ARMH4: variants seen among roughly 807,000 people sequenced by gnomAD.
ARMH4 encodes armadillo like helical domain containing 4, also known as armadillo-like helical domain-containing protein 4.
A neutral mutation model predicts 61.9 loss-of-function variants in ARMH4; 49 were observed. The observed-to-expected ratio is 0.79, with a 90% CI of 0.63 to 1.00. The LOEUF (loss-of-function observed/expected upper bound fraction) is 1.00, where lower values mean the gene tolerates loss of function less well. Among genes scored for constraint, ARMH4 ranks in the 50% least tolerant of loss-of-function variants. The pLI is 0.00. For missense variants in ARMH4, 934 were observed against 930.0 expected (o/e 1.00, Z -0.06); for synonymous variants, 368 against 341.5 (o/e 1.08, Z -0.85).
chr14:58,132,953 A>C, intron 3 of ARMH4, 137 bp downstream of exon 3: 7 of 864,954 alleles, frequency 8.1e-6, no homozygotes, highest in Non-Finnish European at 1.1e-5. Context: ...CTTTCCAGGT[A>C]AAGGTGTGTG....
At chr14:58,130,112 G>T (rs566807377) in intron 4 of ARMH4, among the ~76,000 whole-genome samples, 1 of 152,264 alleles carries the variant, frequency 6.6e-6, no homozygotes, top group East Asian at 1.9e-4. Flanking sequence ...AAGCTGTCAT[G>T]TCTAACTCAG....
intron 5 of ARMH4, among the ~76,000 whole-genome samples, chr14:58,071,738 T>A (rs1884889215): frequency 6.6e-6 from 1 of 152,246 alleles, no homozygotes; most frequent in Admixed American, 6.5e-5. Context: ...GTTTTCAGTA[T>A]CTCAAGAGAG....
intron 4 of ARMH4, among the ~76,000 whole-genome samples, chr14:58,119,736 T>C (rs1336665350): frequency 6.6e-6 from 1 of 152,238 alleles, no homozygotes; most frequent in Non-Finnish European, 1.5e-5. Flanking sequence ...AGCCTGAGGC[T>C]GAGCACCTGA....
chr14:58,082,622 A>T (rs1422154913), intron 5 of ARMH4, among the ~76,000 whole-genome samples: 1 of 152,198 alleles, frequency 6.6e-6, no homozygotes, highest in Non-Finnish European at 1.5e-5. Context: ...GTACTTTCAG[A>T]GCATTTTTCT....
chr14:58,031,332 A>G (rs1472066655), intron 5 of ARMH4, among the ~76,000 whole-genome samples: 2 of 152,220 alleles, frequency 1.3e-5, no homozygotes, highest in Non-Finnish European at 2.9e-5. Flanking sequence ...ACCAAAATGG[A>G]TTTGTTTTTA....
At chr14:58,097,609 G>T (rs774045965) in intron 4 of ARMH4, among the ~76,000 whole-genome samples, 114 of 152,154 alleles carry the variant, frequency 7.5e-4, no homozygotes, top group Non-Finnish European at 1.1e-3. Flanking sequence ...GGAGTGGTCA[G>T]AAAGGCAGCA....
chr14:58,018,912 T>C (rs1326043817), intron 5 of ARMH4, among the ~76,000 whole-genome samples: 1 of 152,088 alleles, frequency 6.6e-6, no homozygotes, highest in Non-Finnish European at 1.5e-5. Flanking sequence ...TTACTGTATA[T>C]AAACACAGTG....
intron 5 of ARMH4, among the ~76,000 whole-genome samples, chr14:58,096,072 T>A (rs1885737256): frequency 6.6e-6 from 1 of 152,036 alleles, no homozygotes; most frequent in Non-Finnish European, 1.5e-5. Context: ...GCGGCCTGCA[T>A]CCTCCAAGTC....
Position 58,040,104 on chromosome 14 carries a change from A to T in ARMH4, c.2090-27954T>A, listed in dbSNP as rs534564667. On this transcript the variant is annotated intron_variant, in intron 5 of 7. Transcript: ENST00000267485. ...AAAACACAAGTATGAAGTTTCTAAG[A>T]CCCACCAGAGCCAGTGGAGCTGATG... 5.9e-5 allele frequency among the ~76,000 whole-genome samples: 9 copies of T among 152,298 alleles called. No homozygotes were observed. In the South Asian group the frequency reaches 1.9e-3, roughly 32 times the overall value.
At chr14:58,009,014 G>T (rs1882287325) in intron 6 of ARMH4, among the ~76,000 whole-genome samples, 1 of 152,166 alleles carries the variant, frequency 6.6e-6, no homozygotes, top group Non-Finnish European at 1.5e-5. Flanking sequence ...GCCTAACAAG[G>T]ATCACCAACT....
At chr14:58,028,665 A>G (rs1883105661) in intron 5 of ARMH4, among the ~76,000 whole-genome samples, 4 of 152,192 alleles carry the variant, frequency 2.6e-5, no homozygotes, top group Admixed American at 2.6e-4. Flanking sequence ...TGTTTGGTCC[A>G]GTGTCCCTGC....
At chr14:58,073,668 A>T (rs1884957439) in intron 5 of ARMH4, among the ~76,000 whole-genome samples, 1 of 152,254 alleles carries the variant, frequency 6.6e-6, no homozygotes, top group East Asian at 1.9e-4. Context: ...TATGCTCAGA[A>T]GACATAAGAT....
intron 5 of ARMH4, among the ~76,000 whole-genome samples, chr14:58,079,879 C>T (rs910450518): frequency 6.6e-6 from 1 of 152,106 alleles, no homozygotes; most frequent in African/African-American, 2.4e-5. Flanking sequence ...TAACCAGCCA[C>T]AGAAAAGTTC....
rs541606829 is a variant in ARMH4, at chr14:58,117,768, T to C, written c.1831+13744A>G. On this transcript the variant is annotated intron_variant, in intron 4 of 7. Transcript: ENST00000267485. ...TATGTTTCAAATGAGTATAACTTTT[T>C]TTTTTAAAGAGACTAGGTCTCACCC... Among the ~76,000 whole-genome samples the C allele has an allele frequency of 2.6e-4, 39 of 152,234 alleles. 1 individual carries two copies. The highest frequency in any genetic ancestry group is 9.2e-4 in the African/African-American group (38 of 41,528).
chr14:58,063,435 A>C (rs1884594854), intron 5 of ARMH4, among the ~76,000 whole-genome samples: 1 of 152,204 alleles, frequency 6.6e-6, no homozygotes, highest in Non-Finnish European at 1.5e-5. Context: ...CCATAATAAA[A>C]GCCATAGGTT....
intron 5 of ARMH4, among the ~76,000 whole-genome samples, chr14:58,063,602 C>G (rs1448891253): frequency 4.0e-5 from 1 of 24,896 alleles, no homozygotes; most frequent in Non-Finnish European, 6.4e-5. Context: ...CAAGGCACTA[C>G]AGAAACTACA....
At chr14:58,053,427 C>G (rs1390545383) in intron 5 of ARMH4, among the ~76,000 whole-genome samples, 1 of 152,184 alleles carries the variant, frequency 6.6e-6, no homozygotes, top group East Asian at 1.9e-4. Context: ...TTCCTGCTGG[C>G]TCCAGGCACA....
At chr14:58,025,654 A>T (rs1263044076) in intron 5 of ARMH4, among the ~76,000 whole-genome samples, 1 of 152,206 alleles carries the variant, frequency 6.6e-6, no homozygotes, top group African/African-American at 2.4e-5. Context: ...CAACTTATAT[A>T]ACACATTTAA....
intron 5 of ARMH4, among the ~76,000 whole-genome samples, chr14:58,039,811 A>T (rs1594712760): frequency 6.6e-6 from 1 of 152,234 alleles, no homozygotes; most frequent in Non-Finnish European, 1.5e-5. Context: ...CACAAAAGAG[A>T]AATTAAGATA....
Sources: gnomAD v4.1 joint callset for allele counts (sites outside exome capture counted in the v4.1 genomes callset) on GRCh38, gnomAD v4.1.1 for gene constraint, MANE v1.5 for transcripts, NCBI Gene and HGNC (gene_info 2026-07-23, HGNC 2026-07-21) for gene names.